The following A1CF variants were observed in gnomAD, a reference collection of about 807,000 sequenced individuals.
A1CF encodes the protein APOBEC1 complementation factor, also known as APOBEC-1 stimulating protein.
A1CF carries 48 observed loss-of-function variants against 68.9 expected under a neutral mutation model. The observed-to-expected ratio is 0.70, with a 90% CI of 0.55 to 0.89. A1CF has a LOEUF of 0.89. Ranked by LOEUF, A1CF falls within the 40% of genes least tolerant of loss-of-function variation. A1CF has a pLI of 0.00. For missense variants in A1CF, 653 were observed against 718.9 expected (o/e 0.91, Z 1.05); for synonymous variants, 272 against 260.4 (o/e 1.04, Z -0.43).
In A1CF at chr10:50,816,199, T is replaced by C; in HGVS notation, c.948A>G (p.Thr316=). Residue 316 remains threonine, a synonymous_variant, in exon 9 of 13, where the codon ACA becomes ACG. Transcript: ENST00000373997. ...CTTGCAGCATGGTGCCCCTTCCACC[T>C]GTGCCTCGGGTATACCTAACATAAC... ...KDSYVRYTRG[T]GGRGTMLQGE... The C allele has an allele frequency of 6.2e-7, 1 of 1,613,806 alleles. No homozygotes were observed. Among genetic ancestry groups the C allele is most frequent in the Non-Finnish European group, 8.5e-7 (1 of 1,179,836 alleles).
At chr10:50,822,975 A>T (rs1224979274) in intron 7 of A1CF, 1 of 152,196 alleles carries the variant, frequency 6.6e-6, no homozygotes. Context: ...CCTTGGACAC[A>T]GGAGCTACTC....
At chr10:50,871,100 C>T (rs1409234134) in intron 1 of A1CF, among the ~76,000 whole-genome samples, 2 of 151,560 alleles carry the variant, frequency 1.3e-5, no homozygotes, top group Non-Finnish European at 3.0e-5. Flanking sequence ...TGATAAAGAG[C>T]ATCTCTCAGA....
chr10:50,831,089 C>T (rs1004723975), intron 6 of A1CF, among the ~76,000 whole-genome samples: 25 of 152,002 alleles, frequency 1.6e-4, no homozygotes, highest in African/African-American at 6.0e-4. Context: ...CCTTATCTTA[C>T]AATATACACA....
chr10:50,876,255 A>T (rs1841507511), intron 1 of A1CF, among the ~76,000 whole-genome samples: 1 of 152,250 alleles, frequency 6.6e-6, no homozygotes, highest in Non-Finnish European at 1.5e-5. Context: ...CTGAGAGGTC[A>T]GTGTTTGCAG....
At chr10:50,831,252 G>T (rs1839223057) in intron 6 of A1CF, among the ~76,000 whole-genome samples, 1 of 152,150 alleles carries the variant, frequency 6.6e-6, no homozygotes. Context: ...AGCAAAAATA[G>T]ATGAATGGGA....
chr10:50,819,768 A>G lies in A1CF; in HGVS notation c.867+784T>C, dbSNP rs368241433. Among the ~76,000 whole-genome samples, 52 of 152,250 alleles carry G rather than the reference A, an allele frequency of 3.4e-4. 2 individuals are homozygous for G. In the South Asian group the frequency reaches 9.8e-3, roughly 29 times the overall value. Reference sequence around the variant, plus strand: ...TTTCCATATTTTGATTTTTGAAATTATACCCAATTTTCGTGGCTTCTCTTA... The same window carrying G: ...TTTCCATATTTTGATTTTTGAAATTGTACCCAATTTTCGTGGCTTCTCTTA... On this transcript the variant is annotated intron_variant, in intron 8 of 12. Coordinates refer to ENST00000373997, the MANE Select transcript of A1CF (RefSeq NM_014576.4).
chr10:50,826,860 T>C (rs4471368), intron 7 of A1CF, among the ~76,000 whole-genome samples: 149,107 of 152,258 alleles, frequency 0.98, 73,088 homozygotes, highest in East Asian at 1. Flanking sequence ...GAGTCAAGAC[T>C]CATCAGTGCG....
intron 6 of A1CF, among the ~76,000 whole-genome samples, chr10:50,834,031 G>C (rs1420325243): frequency 6.6e-6 from 1 of 152,168 alleles, no homozygotes; most frequent in Non-Finnish European, 1.5e-5. Context: ...GCTTAATGAA[G>C]TGCTTGAAAA....
In A1CF at chr10:50,836,324, G is replaced by C. The variant is rs368358582; in HGVS notation, c.366-12C>G. The stretch of plus-strand genomic sequence containing the variant: ...AGAGGCGCCCATTTCTGCAAAAAGA[G>C]CAGGGATTTTGATTGATGAGAATCC... On this transcript the variant is annotated splice_polypyrimidine_tract_variant and intron_variant, in intron 5 of 12. Coordinates refer to ENST00000373997, the MANE Select transcript of A1CF (RefSeq NM_014576.4). The C allele has an allele frequency of 4.7e-4, 752 of 1,607,206 alleles. No homozygotes were observed. The highest frequency in any genetic ancestry group is 5.7e-4 in the Non-Finnish European group (676 of 1,177,418).
intron 1 of A1CF, among the ~76,000 whole-genome samples, chr10:50,874,217 G>A (rs568422924): frequency 5.9e-5 from 9 of 151,986 alleles, no homozygotes; most frequent in South Asian, 4.2e-4. Flanking sequence ...AAACAATCCT[G>A]GCATCTAGAA....
chr10:50,802,900 T>C lies in A1CF; in HGVS notation c.*3829A>G, dbSNP rs1837661952. ...AACAAAAATTAATAAAAATGGAACATTATATTGATGCAATATTTTGCTAAT... is the reference window on the plus strand; with the variant it reads ...AACAAAAATTAATAAAAATGGAACACTATATTGATGCAATATTTTGCTAAT... On this transcript the variant is annotated 3_prime_UTR_variant, in exon 13 of 13. Coordinates refer to ENST00000373997, the MANE Select transcript of A1CF (RefSeq NM_014576.4). 1 of 152,216 alleles carries C rather than the reference T, an allele frequency of 6.6e-6. No individual in the cohort carries two copies. Among genetic ancestry groups the C allele is most frequent in the Non-Finnish European group, 1.5e-5 (1 of 68,040 alleles). The allele number at this position is 152,216 out of a possible 1,614,324, so 9.4% of individuals were successfully genotyped here. A position where few individuals can be genotyped will look rare whatever the true frequency, so the allele number is the denominator to read the frequency against.
chr10:50,805,447 C>G lies in A1CF; in HGVS notation c.*1282G>C, dbSNP rs1250288692. 1.3e-5 allele frequency: 2 copies of G among 152,138 alleles called. No individual in the cohort carries two copies. Among genetic ancestry groups the G allele is most frequent in the East Asian group, 3.8e-4 (2 of 5,202 alleles). 9.4% of individuals were successfully genotyped at this position (152,138 alleles called of 1,614,324 possible). On this transcript the variant is annotated 3_prime_UTR_variant, in exon 13 of 13. Transcript: ENST00000373997. Reference sequence around the variant, plus strand: ...CGTGTTTTGTAGCACCGTTGCCCTCCCCTCACTTCATCATCAGATATTTCT... The same window carrying G: ...CGTGTTTTGTAGCACCGTTGCCCTCGCCTCACTTCATCATCAGATATTTCT...
intron 1 of A1CF, among the ~76,000 whole-genome samples, chr10:50,874,379 G>A (rs1409242502): frequency 6.6e-6 from 1 of 151,926 alleles, no homozygotes; most frequent in African/African-American, 2.4e-5. Flanking sequence ...TTTTATAAAG[G>A]TACATTTTAT....
chr10:50,861,236 T>C (rs1840731191), intron 2 of A1CF, among the ~76,000 whole-genome samples: 1 of 151,542 alleles, frequency 6.6e-6, no homozygotes, highest in African/African-American at 2.4e-5. Context: ...ATTACTTGAA[T>C]AACAGAATAG....
chr10:50,873,858 A>T (rs1841384248), intron 1 of A1CF, among the ~76,000 whole-genome samples: 1 of 152,200 alleles, frequency 6.6e-6, no homozygotes, highest in African/African-American at 2.4e-5. Flanking sequence ...TAGAGAAAAG[A>T]AAAACTATAT....
intron 1 of A1CF, among the ~76,000 whole-genome samples, chr10:50,883,833 C>G (rs1006437052): frequency 2.0e-5 from 3 of 152,190 alleles, no homozygotes; most frequent in Admixed American, 2.0e-4. Context: ...GACTACCAGA[C>G]AAAGGAGCCT....
chr10:50,806,758 CA>C lies in A1CF; in HGVS notation c.1731del (p.Ala578ProfsTer25). 6.2e-7 allele frequency: 1 copy of C among 1,610,332 alleles called. No individual in the cohort carries two copies. The highest frequency in any genetic ancestry group is 8.5e-7 in the Non-Finnish European group (1 of 1,178,312). On this transcript the variant is annotated frameshift_variant, in exon 13 of 13. Transcript: ENST00000373997. LOFTEE classifies it high-confidence loss of function. ...TYEVYPTFAV[T>X]ARGDGYGTF ...AAGGTGCCATATCCATCCCCTCGGG[CA>C]GTCACTGCAAAAGTTGGGTAGACCT...
chr10:50,871,684 T>C (rs189150766), intron 1 of A1CF, among the ~76,000 whole-genome samples: 166 of 152,046 alleles, frequency 1.1e-3, no homozygotes, highest in Non-Finnish European at 3.4e-4. Context: ...AATTCACCAA[T>C]AGGTGCTATT....
intron 5 of A1CF, among the ~76,000 whole-genome samples, chr10:50,841,499 TC>T (rs1299884923): frequency 6.6e-6 from 1 of 152,200 alleles, no homozygotes; most frequent in Non-Finnish European, 1.5e-5. Flanking sequence ...CACAACTTTA[TC>T]CCATCCCTGG....
Sources: allele counts gnomAD v4.1 joint callset (sites outside exome capture counted in the v4.1 genomes callset), GRCh38; gene constraint gnomAD v4.1.1; transcripts MANE v1.5; gene names NCBI Gene and HGNC (gene_info 2026-07-23, HGNC 2026-07-21).